NAALADL2: variants seen among roughly 807,000 people sequenced by gnomAD.
NAALADL2 encodes the protein N-acetylated alpha-linked acidic dipeptidase like 2, also known as inactive N-acetylated-alpha-linked acidic dipeptidase-like protein 2.
In NAALADL2, 76 loss-of-function variants were observed where a neutral mutation model predicts 87.2. The observed-to-expected ratio is 0.87, with a 90% CI of 0.72 to 1.05. The LOEUF is 1.05. Among genes scored for constraint, NAALADL2 ranks in the 50% least tolerant of loss-of-function variants. The pLI, the probability that NAALADL2 is intolerant of heterozygous loss-of-function variation, is 0.00. For synonymous variants in NAALADL2, 354 were observed against 331.0 expected, an observed-to-expected ratio of 1.07 and a Z score of -0.75; for missense variants, 1,089 against 945.8, an observed-to-expected ratio of 1.15 and a Z score of -1.99.
chr3:175,414,781 G>A (rs182123589), intron 5 of NAALADL2, among the ~76,000 whole-genome samples: 19 of 137,964 alleles, frequency 1.4e-4, no homozygotes, highest in African/African-American at 4.9e-4. Flanking sequence ...GTCCAAATTG[G>A]TTAAGGTAAA....
At chr3:175,515,327 C>A (rs566931638) in intron 9 of NAALADL2, among the ~76,000 whole-genome samples, 56 of 152,262 alleles carry the variant, frequency 3.7e-4, no homozygotes, top group African/African-American at 1.3e-3. Flanking sequence ...GCTCATGACT[C>A]CTCTGCTTCT....
chr3:174,974,534 G>T (rs1170841630), intron 1 of NAALADL2, among the ~76,000 whole-genome samples: 1 of 152,132 alleles, frequency 6.6e-6, no homozygotes, highest in African/African-American at 2.4e-5. Flanking sequence ...TGTTGTGAAA[G>T]CTCTTAAAAC....
chr3:175,787,578 G>A (rs951665356), intron 13 of NAALADL2, among the ~76,000 whole-genome samples: 4 of 152,022 alleles, frequency 2.6e-5, no homozygotes, highest in South Asian at 2.1e-4. Flanking sequence ...GCTCGCGCAC[G>A]GTGCGCGCAC....
chr3:174,582,799 G>T (rs1716315549), intron 2 of NAALADL2, among the ~76,000 whole-genome samples: 1 of 152,154 alleles, frequency 6.6e-6, no homozygotes, highest in South Asian at 2.1e-4. Context: ...GGCCAGACTG[G>T]CCTTGAACTC....
chr3:174,875,997 TG>T (rs1235182683), intron 1 of NAALADL2, among the ~76,000 whole-genome samples: 2 of 152,018 alleles, frequency 1.3e-5, no homozygotes, highest in African/African-American at 4.8e-5. Context: ...TTTTTTTTTT[TG>T]AGGGAAAACT....
intron 2 of NAALADL2, among the ~76,000 whole-genome samples, chr3:175,201,804 A>C (rs1457983923): frequency 6.6e-6 from 1 of 151,988 alleles, no homozygotes; most frequent in Non-Finnish European, 1.5e-5. Flanking sequence ...AAAAAAAAAA[A>C]AAACAAATTT....
intron 5 of NAALADL2, among the ~76,000 whole-genome samples, chr3:175,414,352 C>T (rs566360160): frequency 6.6e-6 from 1 of 151,948 alleles, no homozygotes; most frequent in Non-Finnish European, 1.5e-5. Context: ...TGCACCGGTA[C>T]CTTATGTGTG....
At chr3:175,021,998 G>A (rs75761224) in intron 1 of NAALADL2, among the ~76,000 whole-genome samples, 117 of 152,068 alleles carry the variant, frequency 7.7e-4, no homozygotes, top group African/African-American at 2.6e-3. Context: ...GGTAACGAGT[G>A]AATTTTTACT....
At chr3:175,659,333 T>C (rs1731938994) in intron 11 of NAALADL2, among the ~76,000 whole-genome samples, 1 of 152,158 alleles carries the variant, frequency 6.6e-6, no homozygotes, top group Non-Finnish European at 1.5e-5. Context: ...GAATGGGCAA[T>C]CAGATTTATC....
chr3:175,614,075 C>T (rs544099515), intron 10 of NAALADL2, among the ~76,000 whole-genome samples: 17 of 152,106 alleles, frequency 1.1e-4, no homozygotes, highest in African/African-American at 3.4e-4. Context: ...TTTCCCAAGA[C>T]GGAGTCTTGC....
chr3:174,969,643 C>T (rs1220579195), intron 1 of NAALADL2, among the ~76,000 whole-genome samples: 2 of 152,088 alleles, frequency 1.3e-5, no homozygotes, highest in African/African-American at 4.8e-5. Flanking sequence ...AGGACAACAC[C>T]TTCAGGATAC....
chr3:174,922,458 C>T (rs560531428), intron 1 of NAALADL2, among the ~76,000 whole-genome samples: 1 of 152,006 alleles, frequency 6.6e-6, no homozygotes, highest in South Asian at 2.1e-4. Flanking sequence ...CATAAATAGC[C>T]ACAGGGAAAT....
chr3:175,413,385 C>A (rs1581782356), intron 5 of NAALADL2, among the ~76,000 whole-genome samples: 1 of 151,138 alleles, frequency 6.6e-6, no homozygotes, highest in African/African-American at 2.4e-5. Context: ...TCCTGGCTAA[C>A]ACGGTGAAAC....
chr3:174,833,684 T>C (rs1722999614), intron 3 of NAALADL2, among the ~76,000 whole-genome samples: 1 of 152,226 alleles, frequency 6.6e-6, no homozygotes, highest in South Asian at 2.1e-4. Flanking sequence ...TCAATGCAGC[T>C]ATATATGAAA....
At chr3:175,239,563 C>T (rs954675648) in intron 3 of NAALADL2, among the ~76,000 whole-genome samples, 6 of 152,104 alleles carry the variant, frequency 3.9e-5, no homozygotes, top group African/African-American at 1.2e-4. Context: ...TATTTCCATA[C>T]ATTTTATGGA....
intron 1 of NAALADL2, among the ~76,000 whole-genome samples, chr3:175,081,575 A>G (rs1322571224): frequency 6.6e-6 from 1 of 152,110 alleles, no homozygotes; most frequent in African/African-American, 2.4e-5. Context: ...GGCCTCTAAT[A>G]TGTACCTTTT....
chr3:174,589,661 A>C (rs1401331171), intron 2 of NAALADL2, among the ~76,000 whole-genome samples: 1 of 152,230 alleles, frequency 6.6e-6, no homozygotes, highest in Non-Finnish European at 1.5e-5. Flanking sequence ...TGAAGATTTT[A>C]TACCAAGCTG....
At chr3:175,383,308 A>C (rs1163809567) in intron 5 of NAALADL2, among the ~76,000 whole-genome samples, 1 of 152,018 alleles carries the variant, frequency 6.6e-6, no homozygotes, top group African/African-American at 2.4e-5. Context: ...TTAAGTAACA[A>C]ATAATTTTAT....
At chr3:175,759,001 A>C (rs1747634048) in intron 13 of NAALADL2, among the ~76,000 whole-genome samples, 1 of 152,168 alleles carries the variant, frequency 6.6e-6, no homozygotes, top group Non-Finnish European at 1.5e-5. Flanking sequence ...ATATCGTCTC[A>C]ATAAAAGTGA....
Sources: allele counts gnomAD v4.1 joint callset (sites outside exome capture counted in the v4.1 genomes callset), GRCh38; gene constraint gnomAD v4.1.1; transcripts MANE v1.5; gene names NCBI Gene and HGNC (gene_info 2026-07-23, HGNC 2026-07-21).